FGF14: variants seen among roughly 807,000 people sequenced by gnomAD.
FGF14 encodes fibroblast growth factor 14.
Under a neutral mutation model 25.5 loss-of-function variants are expected in FGF14, and 5 were observed. The observed-to-expected ratio is 0.20, with a 90% confidence interval of 0.10 to 0.41. FGF14 has a LOEUF of 0.41. Among genes scored for constraint, FGF14 ranks in the 10% least tolerant of loss-of-function variants. The probability of loss-of-function intolerance (pLI) is 1.00; values close to 1 mark genes in which losing one functional copy is unlikely to be tolerated. For missense variants in FGF14, 222 were observed against 320.1 expected, an observed-to-expected ratio of 0.69 and a Z score of 2.34; for synonymous variants, 138 against 118.3, an observed-to-expected ratio of 1.17 and a Z score of -1.08.
chr13:101,797,431 C>T (rs1459890905), intron 3 of FGF14, among the ~76,000 whole-genome samples: 25 of 151,890 alleles, frequency 1.6e-4, no homozygotes, highest in Admixed American at 1.2e-3. Context: ...ACTGGAATGA[C>T]GCACATAAAC....
intron 1 of FGF14, among the ~76,000 whole-genome samples, chr13:102,399,040 T>C (rs1238126232): frequency 1.3e-5 from 2 of 152,064 alleles, no homozygotes; most frequent in Admixed American, 6.6e-5. Flanking sequence ...CCAAATACTT[T>C]AGCATTCATA....
chr13:101,927,326 A>G (rs1431185867), intron 1 of FGF14, among the ~76,000 whole-genome samples: 1 of 152,232 alleles, frequency 6.6e-6, no homozygotes, highest in Non-Finnish European at 1.5e-5. Context: ...GGGAGGGATA[A>G]ACTGTCCAAA....
At chr13:102,290,381 A>T (rs1383109806) in intron 1 of FGF14, among the ~76,000 whole-genome samples, 1 of 152,172 alleles carries the variant, frequency 6.6e-6, no homozygotes, top group Admixed American at 6.6e-5. Context: ...CCAGAACTGG[A>T]CAATAAACTT....
intron 3 of FGF14, among the ~76,000 whole-genome samples, chr13:101,801,514 G>A (rs1376323530): frequency 6.6e-6 from 1 of 152,070 alleles, no homozygotes; most frequent in Non-Finnish European, 1.5e-5. Flanking sequence ...TACAGAAATA[G>A]GTGATTGTTC....
At chr13:102,022,906 A>G (rs996804620) in intron 1 of FGF14, among the ~76,000 whole-genome samples, 1 of 152,072 alleles carries the variant, frequency 6.6e-6, no homozygotes, top group Non-Finnish European at 1.5e-5. Flanking sequence ...CAATCTATTA[A>G]CAAATGAGAG....
At chr13:101,885,574 T>C (rs1313957321) in intron 1 of FGF14, among the ~76,000 whole-genome samples, 1 of 152,136 alleles carries the variant, frequency 6.6e-6, no homozygotes, top group African/African-American at 2.4e-5. Flanking sequence ...ATGGCATAGG[T>C]AGCCACTGAA....
At chr13:101,725,045 G>A (rs921308609) in intron 4 of FGF14, among the ~76,000 whole-genome samples, 1 of 151,676 alleles carries the variant, frequency 6.6e-6, no homozygotes, top group Admixed American at 6.6e-5. Flanking sequence ...CAGCCCTTTT[G>A]GGTTTTGTTA....
At chr13:102,153,032 C>G (rs2047157045) in intron 1 of FGF14, among the ~76,000 whole-genome samples, 1 of 152,182 alleles carries the variant, frequency 6.6e-6, no homozygotes, top group Non-Finnish European at 1.5e-5. Flanking sequence ...CTGGGAGCTG[C>G]AAGGCTGCTG....
At chr13:102,041,160 C>T (rs1009433314) in intron 1 of FGF14, among the ~76,000 whole-genome samples, 3 of 151,922 alleles carry the variant, frequency 2.0e-5, no homozygotes, top group Non-Finnish European at 1.5e-5. Flanking sequence ...ATAACTTTCT[C>T]TTCACACATA....
chr13:101,982,908 A>C (rs1319267118), intron 1 of FGF14, among the ~76,000 whole-genome samples: 7 of 152,204 alleles, frequency 4.6e-5, no homozygotes, highest in Admixed American at 4.6e-4. Context: ...ATACAAACCC[A>C]TATTTTTGAA....
Position 102,252,041 on chromosome 13 carries a change from G to A in FGF14, c.208+149430C>T, listed in dbSNP as rs958333978. ...CAGTCACAATGTTTTACTGATCCCA[G>A]ACACCTGTATATCGATGCGGCTAAT... On this transcript the variant is annotated intron_variant, in intron 1 of 4. Transcript: ENST00000376131. Among the ~76,000 whole-genome samples, 7 of 152,278 alleles carry A rather than the reference G, an allele frequency of 4.6e-5. No homozygotes were observed. In the East Asian group the frequency reaches 1.4e-3, roughly 29 times the overall value.
chr13:101,850,686 G>T (rs2043799913), intron 3 of FGF14, among the ~76,000 whole-genome samples: 1 of 142,232 alleles, frequency 7.0e-6, no homozygotes, highest in African/African-American at 2.6e-5. Flanking sequence ...AATATATATA[G>T]AATATATATA....
At chr13:101,739,071 T>C (rs2036373971) in intron 3 of FGF14, among the ~76,000 whole-genome samples, 1 of 143,798 alleles carries the variant, frequency 7.0e-6, no homozygotes, top group Admixed American at 7.1e-5. Flanking sequence ...TCCCACCTCA[T>C]AGTCTCATAC....
At chr13:101,782,372 T>C (rs1468798415) in intron 3 of FGF14, among the ~76,000 whole-genome samples, 1 of 152,230 alleles carries the variant, frequency 6.6e-6, no homozygotes, top group African/African-American at 2.4e-5. Flanking sequence ...TAGCTGCTTT[T>C]TTGTGGTTTT....
At chr13:101,957,406 G>A (rs1490833987) in intron 1 of FGF14, among the ~76,000 whole-genome samples, 1 of 152,170 alleles carries the variant, frequency 6.6e-6, no homozygotes. Flanking sequence ...AACCTTAGGA[G>A]AAACTGAACC....
chr13:102,326,755 GAGGGAGGGAAGGAAGGAAGA>G (rs1566939246), intron 1 of FGF14, among the ~76,000 whole-genome samples: 13 of 90,154 alleles, frequency 1.4e-4, no homozygotes, highest in African/African-American at 6.4e-4. Flanking sequence ...AGGAAGGAAA[GAGGGAGGGAAGGAAGGAAGA>G]AAAAAAAGGA....
intron 3 of FGF14, among the ~76,000 whole-genome samples, chr13:101,859,999 G>A (rs1305360053): frequency 6.6e-6 from 1 of 151,844 alleles, no homozygotes; most frequent in Non-Finnish European, 1.5e-5. Context: ...AACAATCCAG[G>A]TTGGTTGACA....
At chr13:101,803,149 G>C (rs1394819751) in intron 3 of FGF14, among the ~76,000 whole-genome samples, 2 of 138,424 alleles carry the variant, frequency 1.4e-5, no homozygotes, top group Admixed American at 1.5e-4. Context: ...TTTTTTTTGA[G>C]ACAAGGTCCT....
intron 1 of FGF14, among the ~76,000 whole-genome samples, chr13:102,376,049 T>C (rs1215357244): frequency 6.6e-6 from 1 of 152,164 alleles, no homozygotes; most frequent in Non-Finnish European, 1.5e-5. Context: ...GGGCCTATTA[T>C]TTCATTAACT....
Sources: allele counts gnomAD v4.1 joint callset (sites outside exome capture counted in the v4.1 genomes callset), GRCh38; gene constraint gnomAD v4.1.1; transcripts MANE v1.5; gene names NCBI Gene and HGNC (gene_info 2026-07-23, HGNC 2026-07-21).